Variants in SGMS2 observed in about 807,000 individuals in gnomAD.
The protein encoded by SGMS2 is sphingomyelin synthase 2, also known as phosphatidylcholine:ceramide cholinephosphotransferase 2.
A neutral mutation model predicts 43.8 loss-of-function variants in SGMS2; 21 were observed. The ratio of observed to expected loss-of-function variants is 0.48; its 90% CI spans 0.34 to 0.69. SGMS2 has a LOEUF of 0.69. Ranked by LOEUF, SGMS2 falls within the 30% of genes least tolerant of loss-of-function variation. SGMS2 has a pLI of 0.01. For missense variants in SGMS2, 384 were observed against 443.2 expected (o/e 0.87, Z 1.20); for synonymous variants, 167 against 160.6 (o/e 1.04, Z -0.30).
At chr4:107,874,737 T>A (rs1336712347) in intron 2 of SGMS2, among the ~76,000 whole-genome samples, 1 of 152,196 alleles carries the variant, frequency 6.6e-6, no homozygotes, top group Admixed American at 6.5e-5. Context: ...AGTATCAATA[T>A]CATTGTCACT....
intron 2 of SGMS2, among the ~76,000 whole-genome samples, chr4:107,885,762 GT>G (rs1729699144): frequency 6.6e-6 from 1 of 152,092 alleles, no homozygotes; most frequent in Admixed American, 6.6e-5. Context: ...GTTAGATTTT[GT>G]TTACAAATTA....
At chr4:107,890,197 A>G (rs972768456) in intron 2 of SGMS2, among the ~76,000 whole-genome samples, 5 of 152,192 alleles carry the variant, frequency 3.3e-5, no homozygotes, top group African/African-American at 7.2e-5. Flanking sequence ...ACACTCTTCA[A>G]GTTCCATAAG....
intron 1 of SGMS2, among the ~76,000 whole-genome samples, chr4:107,856,672 C>T (rs1727447351): frequency 6.6e-6 from 1 of 152,042 alleles, no homozygotes; most frequent in Admixed American, 6.6e-5. Context: ...GGTGATCTTT[C>T]CAGAGGGGTA....
chr4:107,890,619 G>A (rs1014097659), intron 2 of SGMS2, among the ~76,000 whole-genome samples: 1 of 145,914 alleles, frequency 6.9e-6, no homozygotes, highest in Non-Finnish European at 1.5e-5. Flanking sequence ...AGGTTGCAGT[G>A]AGCCAAGATC....
intron 1 of SGMS2, among the ~76,000 whole-genome samples, chr4:107,850,431 G>C (rs994185780): frequency 6.6e-6 from 1 of 152,150 alleles, no homozygotes; most frequent in Admixed American, 6.6e-5. Flanking sequence ...TTTTTGGAAA[G>C]ATAAGAATTA....
chr4:107,850,992 C>A (rs552735552), intron 1 of SGMS2, among the ~76,000 whole-genome samples: 1 of 152,192 alleles, frequency 6.6e-6, no homozygotes, highest in Non-Finnish European at 1.5e-5. Context: ...CATATGGACA[C>A]CACCAAATAA....
chr4:107,843,415 G>A (rs1202638373), intron 1 of SGMS2, among the ~76,000 whole-genome samples: 1 of 152,186 alleles, frequency 6.6e-6, no homozygotes, highest in African/African-American at 2.4e-5. Flanking sequence ...AAGCACAAAT[G>A]TTCCTAATAG....
chr4:107,884,941 C>T (rs536966033), intron 2 of SGMS2, among the ~76,000 whole-genome samples: 1 of 152,256 alleles, frequency 6.6e-6, no homozygotes, highest in East Asian at 1.9e-4. Context: ...CTCAGGTTTT[C>T]AGGGTTCACA....
intron 1 of SGMS2, among the ~76,000 whole-genome samples, chr4:107,838,630 A>G (rs1173124773): frequency 6.6e-6 from 1 of 151,224 alleles, no homozygotes; most frequent in Non-Finnish European, 1.5e-5. Context: ...CTTCTTTGTC[A>G]CTCCACTACT....
At chr4:107,857,227 A>G in intron 1 of SGMS2, among the ~76,000 whole-genome samples, 1 of 152,106 alleles carries the variant, frequency 6.6e-6, no homozygotes, top group East Asian at 1.9e-4. Flanking sequence ...ATAATATTAT[A>G]TGGGTTTGCC....
At chr4:107,842,881 T>C (rs1348655167) in intron 1 of SGMS2, among the ~76,000 whole-genome samples, 1 of 152,204 alleles carries the variant, frequency 6.6e-6, no homozygotes, top group Admixed American at 6.5e-5. Flanking sequence ...TTCCCTTTAG[T>C]AGGGGCAGGA....
chr4:107,910,769 G>A lies in SGMS2; in HGVS notation c.*216G>A. On this transcript the variant is annotated 3_prime_UTR_variant, in exon 7 of 7. Coordinates refer to ENST00000690982, the MANE Select transcript of SGMS2 (RefSeq NM_001375905.1). ...ATTCTCTTGCAGCTCTTCATTCATT[G>A]GTGACAAGCCCCCACCCCGGGACTT... The A allele has an allele frequency of 3.8e-6, 2 of 521,368 alleles. No individual in the cohort carries two copies. Among genetic ancestry groups the A allele is most frequent in the South Asian group, 2.7e-5 (1 of 36,712 alleles). The allele number at this position is 521,368 out of a possible 1,614,324, so 32.3% of individuals were successfully genotyped here.
chr4:107,844,461 GGAGGCT>G (rs1474377571), intron 1 of SGMS2, among the ~76,000 whole-genome samples: 2 of 152,150 alleles, frequency 1.3e-5, no homozygotes, highest in Non-Finnish European at 2.9e-5. Context: ...CAGCACTTTG[GGAGGCT>G]GAGGCTGAAA....
At chr4:107,881,195 C>A (rs1729311116) in intron 2 of SGMS2, among the ~76,000 whole-genome samples, 1 of 151,860 alleles carries the variant, frequency 6.6e-6, no homozygotes, top group Non-Finnish European at 1.5e-5. Context: ...AACCTCAGCA[C>A]CATGCAATAT....
intron 2 of SGMS2, chr4:107,894,192 C>CG (rs60526603): frequency 0.65 from 98,124 of 151,952 alleles, 32,049 homozygotes; most frequent in East Asian, 0.97. Flanking sequence ...TACCCTGAAA[C>CG]GGGGAGGCAG....
intron 1 of SGMS2, among the ~76,000 whole-genome samples, chr4:107,845,109 A>G (rs2126004759): frequency 6.6e-6 from 1 of 152,328 alleles, no homozygotes; most frequent in South Asian, 2.1e-4. Context: ...AAATGAGACA[A>G]GAGGCTAGGC....
intron 2 of SGMS2, among the ~76,000 whole-genome samples, chr4:107,878,670 A>G (rs1046108386): frequency 6.6e-6 from 1 of 152,126 alleles, no homozygotes; most frequent in Non-Finnish European, 1.5e-5. Flanking sequence ...TGGATTATTA[A>G]AGCGACTTCC....
At chr4:107,885,878 G>T (rs1224556962) in intron 2 of SGMS2, among the ~76,000 whole-genome samples, 1 of 152,014 alleles carries the variant, frequency 6.6e-6, no homozygotes, top group Admixed American at 6.6e-5. Flanking sequence ...CTACAACAAA[G>T]ACAAAAATGG....
chr4:107,873,741 T>C (rs1392417047), intron 2 of SGMS2, among the ~76,000 whole-genome samples: 1 of 152,150 alleles, frequency 6.6e-6, no homozygotes, highest in East Asian at 1.9e-4. Context: ...GTTCAGTCTG[T>C]AGAATTTCAA....
Sources: gnomAD v4.1 joint callset for allele counts (sites outside exome capture counted in the v4.1 genomes callset) on GRCh38, gnomAD v4.1.1 for gene constraint, MANE v1.5 for transcripts, NCBI Gene and HGNC (gene_info 2026-07-23, HGNC 2026-07-21) for gene names.